The following PTPN23 variants were observed in gnomAD, a reference collection of about 807,000 sequenced individuals.
PTPN23 encodes protein tyrosine phosphatase non-receptor type 23, also known as tyrosine-protein phosphatase non-receptor type 23.
Under a neutral mutation model 156.3 loss-of-function variants are expected in PTPN23, and 72 were observed. The observed-to-expected ratio is 0.46, with a 90% confidence interval of 0.38 to 0.56. PTPN23 has a LOEUF of 0.56. PTPN23 is among the 20% of genes least tolerant of loss of function. PTPN23 has a pLI of 0.00. For missense variants in PTPN23, 1,974 were observed against 2,171.5 expected (o/e 0.91, Z 1.81); for synonymous variants, 957 against 899.6 (o/e 1.06, Z -1.14).
Position 47,407,244 on chromosome 3 carries a change from G to T in PTPN23, c.864+58G>T, listed in dbSNP as rs970419920. On this transcript the variant is annotated intron_variant, in intron 10 of 24. Coordinates refer to ENST00000265562, the MANE Select transcript of PTPN23 (RefSeq NM_015466.4). The surrounding 1 kb of genome is among the most constrained non-coding windows in gnomAD (Gnocchi z 4.0). ...GTATAGGAGCAAGCCCGGTAGGACTGAGGGGGTGTCCTGGTGCCAGCCTTG... is the reference window on the plus strand; with the variant it reads ...GTATAGGAGCAAGCCCGGTAGGACTTAGGGGGTGTCCTGGTGCCAGCCTTG... 2 of 1,613,388 alleles carry T rather than the reference G, an allele frequency of 1.2e-6. No homozygotes were observed. The highest frequency in any genetic ancestry group is 3.3e-5 in the Admixed American group (2 of 59,972).
intron 2 of PTPN23, among the ~76,000 whole-genome samples, chr3:47,398,814 C>A (rs1247400810): frequency 1.3e-5 from 2 of 152,188 alleles, no homozygotes; most frequent in Non-Finnish European, 2.9e-5. Flanking sequence ...ATCTTCTGGC[C>A]CCAGCCTCCC....
At chr3:47,396,329 C>A in intron 2 of PTPN23, 112 bp downstream of exon 2, 1 of 772,900 alleles carries the variant, frequency 1.3e-6, no homozygotes, top group Non-Finnish European at 2.0e-6. Context: ...AATCCCACCA[C>A]TTTGGGAGGC....
Position 47,411,145 on chromosome 3 carries a change from C to A in PTPN23, c.3347C>A (p.Ala1116Asp). The stretch of plus-strand genomic sequence containing the variant: ...CCTTGCCTGCGCCGAGGCGCCGCAG[C>A]TGCAGACCTGCTCTCCTCCAGCCCG... ...PPPCLRRGAAAADLLSSSPES... is the reference protein window; with the variant it reads ...PPPCLRRGAADADLLSSSPES... Residue 1116 changes from alanine (A) to aspartate (D), a missense_variant, in exon 20 of 25, where the codon GCT becomes GAT. By Grantham distance (126) the Ala-to-Asp change is moderately radical. Transcript: ENST00000265562. This position sits in a 1 kb window ranked among gnomAD's most constrained non-coding sequence, Gnocchi z 6.3. The A allele has an allele frequency of 6.2e-7, 1 of 1,601,440 alleles. No individual in the cohort carries two copies. The highest frequency in any genetic ancestry group is 2.3e-5 in the East Asian group (1 of 44,044).
At position 47,413,041 on chromosome 3, in the gene PTPN23, C is replaced by T. The variant is rs556453836; in HGVS notation, c.4767C>T (p.Ser1589=). Residue 1589 remains serine, a synonymous_variant, in exon 25 of 25, where the codon TCC becomes TCT. Coordinates refer to ENST00000265562, the MANE Select transcript of PTPN23 (RefSeq NM_015466.4). ...LLASLTPEAF[S]LDSSLRGKQR... ...CCTCCTTGACCCCAGAGGCCTTCTC[C>T]CTGGACAGCTCCCTGCGGGGCAAAC... 1.2e-5 allele frequency: 20 copies of T among 1,612,882 alleles called. No homozygotes were observed. The highest frequency in any genetic ancestry group is 1.7e-5 in the Non-Finnish European group (20 of 1,180,028).
In PTPN23 at chr3:47,411,606, G is replaced by A; in HGVS notation, c.3808G>A (p.Ala1270Thr). The A allele has an allele frequency of 6.2e-7, 1 of 1,612,328 alleles. No homozygotes were observed. The highest frequency in any genetic ancestry group is 8.5e-7 in the Non-Finnish European group (1 of 1,179,896). Residue 1270 changes from alanine (A) to threonine (T), a missense_variant, in exon 20 of 25, where the codon GCT becomes ACT. Coordinates refer to ENST00000265562, the MANE Select transcript of PTPN23 (RefSeq NM_015466.4). The surrounding 1 kb of genome is among the most constrained non-coding windows in gnomAD (Gnocchi z 6.3). ...VATQAPLPGT[A>T]ADFWLMVHEQ... ...AACCCAGGCCCCACTGCCTGGCACA[G>A]CTGCTGACTTCTGGCTCATGGTCCA...
In PTPN23 at chr3:47,405,256, C is replaced by A. The variant is rs1705094721; in HGVS notation, c.364+175C>A. On this transcript the variant is annotated intron_variant, in intron 4 of 24. Coordinates refer to ENST00000265562, the MANE Select transcript of PTPN23 (RefSeq NM_015466.4). The surrounding 1 kb of genome is among the most constrained non-coding windows in gnomAD (Gnocchi z 4.7). ...CTCCTCCACTGTTTTCTGGGCTGGG[C>A]CCGTGGGGAGCCTCTGCTGGGGCGA... 1.6e-6 allele frequency: 1 copy of A among 642,066 alleles called. No homozygotes were observed. The highest frequency in any genetic ancestry group is 2.8e-5 in the East Asian group (1 of 36,300). The allele number at this position is 642,066 out of a possible 1,614,324, so 39.8% of individuals were successfully genotyped here. A position where few individuals can be genotyped will look rare whatever the true frequency, so the allele number is the denominator to read the frequency against.
At chr3:47,409,629 C>T (rs1705215824) in intron 18 of PTPN23, 26 bp from the exon 19 acceptor site, 3 of 1,612,568 alleles carry the variant, frequency 1.9e-6, no homozygotes, top group Admixed American at 1.7e-5. Context: ...CATGGTTCAC[C>T]TGGAGCTGGC....
At chr3:47,402,967 A>G (rs1705028279) in intron 2 of PTPN23, among the ~76,000 whole-genome samples, 1 of 151,966 alleles carries the variant, frequency 6.6e-6, no homozygotes. Context: ...TGGCCTCCCA[A>G]AGTGCTAGGA....
Position 47,412,772 on chromosome 3 carries a change from G to A in PTPN23, c.4498G>A (p.Ala1500Thr). The A allele has an allele frequency of 1.2e-6, 2 of 1,612,636 alleles. No individual in the cohort carries two copies. Among genetic ancestry groups the A allele is most frequent in the Non-Finnish European group, 1.7e-6 (2 of 1,179,430 alleles). The change falls in exon 25 of 25, where the codon GCC becomes ACC. Residue 1500 changes from alanine (A) to threonine (T), a missense_variant. Ala to Thr is a moderately conservative substitution (Grantham distance 58). This residue lies in a region of PTPN23 where 484 missense variants were observed against 516.0 expected (regional missense o/e 0.94). Coordinates refer to ENST00000265562, the MANE Select transcript of PTPN23 (RefSeq NM_015466.4). ...GGDVPISSIQ[A>T]TIAKLSIRPP... is the part of the protein sequence containing the mutation. ...GGATGTGCCCATCAGCTCCATCCAG[G>A]CCACCATTGCCAAGCTCAGCATTCG...
intron 1 of PTPN23, among the ~76,000 whole-genome samples, chr3:47,393,245 T>C (rs887413572): frequency 6.6e-6 from 1 of 152,116 alleles, no homozygotes; most frequent in African/African-American, 2.4e-5. Context: ...CTCCCCCTCC[T>C]GAGTTCAAGC....
intron 1 of PTPN23, among the ~76,000 whole-genome samples, chr3:47,382,040 A>T (rs1309402233): frequency 6.6e-6 from 1 of 152,228 alleles, no homozygotes; most frequent in Non-Finnish European, 1.5e-5. Flanking sequence ...TTGTGGGCTT[A>T]GCACAGCAGA....
intron 2 of PTPN23, among the ~76,000 whole-genome samples, chr3:47,402,459 T>C (rs1705014815): frequency 6.6e-6 from 1 of 152,074 alleles, no homozygotes; most frequent in Non-Finnish European, 1.5e-5. Context: ...TTTGTGTTTT[T>C]AGTAGATACG....
Position 47,406,238 on chromosome 3 carries a change from C to T in PTPN23, c.547-87C>T. 1 of 1,523,818 alleles carries T rather than the reference C, an allele frequency of 6.6e-7. No individual in the cohort carries two copies. The highest frequency in any genetic ancestry group is 9.0e-7 in the Non-Finnish European group (1 of 1,113,578). The allele number at this position is 1,523,818 out of a possible 1,614,324, so 94.4% of individuals were successfully genotyped here. A position where few individuals can be genotyped will look rare whatever the true frequency, so the allele number is the denominator to read the frequency against. The stretch of plus-strand genomic sequence containing the variant: ...GGGAGAGGGCAGTGAAGAGGGATCC[C>T]TCAGTCTGCCCCTGGGGAAGGATAA... On this transcript the variant is annotated intron_variant, in intron 6 of 24. Coordinates refer to ENST00000265562, the MANE Select transcript of PTPN23 (RefSeq NM_015466.4). This position sits in a 1 kb window ranked among gnomAD's most constrained non-coding sequence, Gnocchi z 5.8.
chr3:47,387,853 A>G (rs958165515), intron 1 of PTPN23, among the ~76,000 whole-genome samples: 8 of 152,234 alleles, frequency 5.3e-5, no homozygotes, highest in South Asian at 2.1e-4. Flanking sequence ...GTCTGGAGTC[A>G]GGAAATCTGT....
chr3:47,407,795 G>T lies in PTPN23; in HGVS notation c.1102G>T (p.Ala368Ser). The stretch of plus-strand genomic sequence containing the variant: ...ACTGGTACCCATGGCTGCCCACGAG[G>T]CCTCGTCACTGTACAGGTGGGTGGA... ...AKLVPMAAHE[A>S]SSLYSEEKAK... is the part of the protein sequence containing the mutation. The change falls in exon 13 of 25, where the codon GCC becomes TCC. Residue 368 changes from alanine (A) to serine (S), a missense_variant. Ala to Ser is a moderately conservative substitution (Grantham distance 99, BLOSUM62 1). Around this residue, in one of 4 missense-constraint regions of PTPN23, gnomAD observed 726 missense variants for 929.5 expected, o/e 0.78. Coordinates refer to ENST00000265562, the MANE Select transcript of PTPN23 (RefSeq NM_015466.4). The surrounding 1 kb of genome is among the most constrained non-coding windows in gnomAD (Gnocchi z 4.0). 2 of 1,614,190 alleles carry T rather than the reference G, an allele frequency of 1.2e-6. No individual in the cohort carries two copies. The highest frequency in any genetic ancestry group is 1.7e-6 in the Non-Finnish European group (2 of 1,180,030).
rs1453661388 is a variant in PTPN23, at chr3:47,406,628, C to T, written c.759+16C>T. The stretch of plus-strand genomic sequence containing the variant: ...CGTGGCTCATGTGAGGGCCTGGGGC[C>T]CCAGGGCGGGGCAGGGCGGGGCTGA... On this transcript the variant is annotated intron_variant, in intron 8 of 24. Coordinates refer to ENST00000265562, the MANE Select transcript of PTPN23 (RefSeq NM_015466.4). This position sits in a 1 kb window ranked among gnomAD's most constrained non-coding sequence, Gnocchi z 5.8. 5.6e-6 allele frequency: 9 copies of T among 1,613,672 alleles called. No homozygotes were observed. The East Asian group carries it at 1.1e-4, about 20-fold the overall frequency.
intron 1 of PTPN23, among the ~76,000 whole-genome samples, chr3:47,382,376 C>T (rs1704562442): frequency 6.7e-6 from 1 of 149,754 alleles, no homozygotes. Flanking sequence ...GGCTGGAGTG[C>T]AATGGCACGA....
At chr3:47,381,552 G>A (rs1576205108) in intron 1 of PTPN23, among the ~76,000 whole-genome samples, 1 of 152,234 alleles carries the variant, frequency 6.6e-6, no homozygotes, top group African/African-American at 2.4e-5. Flanking sequence ...GGCCCTGACC[G>A]TGCGGATTCT....
intron 1 of PTPN23, among the ~76,000 whole-genome samples, chr3:47,392,932 C>T (rs983721198): frequency 6.6e-6 from 1 of 152,090 alleles, no homozygotes; most frequent in Non-Finnish European, 1.5e-5. Context: ...CTGCTAGGCT[C>T]AAGTGATCCT....
Sources: gnomAD v4.1 joint callset for allele counts (sites outside exome capture counted in the v4.1 genomes callset) on GRCh38, gnomAD v4.1.1 for gene constraint, gnomAD v4.1.1 regional missense constraint, Gnocchi (gnomAD v3.1) non-coding constraint, MANE v1.5 for transcripts, NCBI Gene and HGNC (gene_info 2026-07-23, HGNC 2026-07-21) for gene names.